The following LRRIQ1 variants were observed in gnomAD, a reference collection of about 807,000 sequenced individuals.
LRRIQ1 encodes the protein leucine-rich repeat- and IQ domain-containing protein 1.
LRRIQ1 carries 210 observed loss-of-function variants against 211.9 expected under a neutral mutation model. The observed-to-expected ratio is 0.99, with a 90% confidence interval of 0.89 to 1.11. The LOEUF (loss-of-function observed/expected upper bound fraction) is 1.11, where lower values mean the gene tolerates loss of function less well. Ranked by LOEUF, LRRIQ1 falls within the 50% of genes most tolerant of loss-of-function variation. LRRIQ1 has a pLI of 0.00. For synonymous variants in LRRIQ1, 699 were observed against 650.1 expected (o/e 1.08, Z -1.14); for missense variants, 2,136 against 1,939.5 (o/e 1.10, Z -1.90).
chr12:85,090,688 T>C (rs1422871501), intron 11 of LRRIQ1, among the ~76,000 whole-genome samples: 1 of 152,216 alleles, frequency 6.6e-6, no homozygotes, highest in African/African-American at 2.4e-5. Context: ...CATTGTATCT[T>C]AGAAGTAAAT....
intron 9 of LRRIQ1, 62 bp from the exon 10 acceptor site, chr12:85,066,686 C>A: frequency 1.5e-6 from 2 of 1,341,372 alleles, no homozygotes; most frequent in Non-Finnish European, 2.0e-6. Flanking sequence ...TTTTTGAAAG[C>A]TTTAAATAGT....
intron 11 of LRRIQ1, among the ~76,000 whole-genome samples, chr12:85,086,712 AC>A (rs1884862131): frequency 6.6e-6 from 1 of 151,760 alleles, no homozygotes; most frequent in African/African-American, 2.4e-5. Context: ...AGTTGATGAA[AC>A]TGAGATTCAG....
intron 24 of LRRIQ1, among the ~76,000 whole-genome samples, chr12:85,226,273 G>C (rs1411461984): frequency 6.6e-6 from 1 of 152,102 alleles, no homozygotes; most frequent in Non-Finnish European, 1.5e-5. Context: ...CTAAAAGTTT[G>C]CTTATTACAA....
rs1268119251 is a variant in LRRIQ1, at chr12:85,059,732, T to G, written c.2391+2548T>G. Among the ~76,000 whole-genome samples, 3 of 151,876 alleles carry G rather than the reference T, an allele frequency of 2.0e-5. No individual in the cohort carries two copies. In the East Asian group the frequency reaches 5.8e-4, roughly 29 times the overall value. ...GAATAAAGAATTCCAGTCGAAATATTTAATGTAGAGGACGGGTTGATGGGT... is the reference window on the plus strand; with the variant it reads ...GAATAAAGAATTCCAGTCGAAATATGTAATGTAGAGGACGGGTTGATGGGT... On this transcript the variant is annotated intron_variant, in intron 8 of 26. Coordinates refer to ENST00000393217, the MANE Select transcript of LRRIQ1 (RefSeq NM_001079910.2).
At chr12:85,203,532 G>C (rs563213090) in intron 24 of LRRIQ1, among the ~76,000 whole-genome samples, 1 of 152,212 alleles carries the variant, frequency 6.6e-6, no homozygotes. Flanking sequence ...GAGTGGCTTT[G>C]CCCAAAATGC....
At chr12:85,079,824 C>T (rs1884079291) in intron 11 of LRRIQ1, among the ~76,000 whole-genome samples, 1 of 151,840 alleles carries the variant, frequency 6.6e-6, no homozygotes. Context: ...ATTTTTTCCT[C>T]TTATATTTAC....
rs144291826 is a variant in LRRIQ1, at chr12:85,212,455, A to G, written c.4823-17062A>G. On this transcript the variant is annotated intron_variant, in intron 24 of 26. Transcript: ENST00000393217. ...GTCTTTTTGGCCAAAAAAGTCGCAG[A>G]TGGAAGATCCAAGTTGCAAGAATAT... 8.5e-5 allele frequency among the ~76,000 whole-genome samples: 13 copies of G among 152,262 alleles called. No individual in the cohort carries two copies. The East Asian group carries it at 2.3e-3, about 27-fold the overall frequency.
the LRRIQ1 span, among the ~76,000 whole-genome samples, chr12:85,271,364 A>G: frequency 6.6e-6 from 1 of 152,172 alleles, no homozygotes; most frequent in Non-Finnish European, 1.5e-5. Context: ...ATTCTAACTC[A>G]AGTCAATCCA....
intron 24 of LRRIQ1, among the ~76,000 whole-genome samples, chr12:85,202,741 G>T (rs1335595946): frequency 6.6e-6 from 1 of 152,094 alleles, no homozygotes; most frequent in Admixed American, 6.6e-5. Context: ...TATACAGCTT[G>T]CCACTCTGTG....
chr12:85,111,027 G>C (rs561119806), intron 15 of LRRIQ1, among the ~76,000 whole-genome samples: 1 of 151,964 alleles, frequency 6.6e-6, no homozygotes, highest in Non-Finnish European at 1.5e-5. Flanking sequence ...TATCTCATAG[G>C]GTAATATAGG....
chr12:85,225,004 A>G (rs11835574), intron 24 of LRRIQ1, among the ~76,000 whole-genome samples: 4,744 of 152,192 alleles, frequency 0.031, 234 homozygotes, highest in African/African-American at 0.11. Context: ...TACTCACTGA[A>G]AAATAGGATA....
chr12:85,265,156 C>A (rs537868510), downstream of LRRIQ1, among the ~76,000 whole-genome samples: 89 of 152,042 alleles, frequency 5.9e-4, no homozygotes, highest in Non-Finnish European at 1.1e-3. Context: ...AGACAAATAA[C>A]ATTAAACATT....
chr12:85,046,897 C>T (rs1358247615), intron 5 of LRRIQ1, among the ~76,000 whole-genome samples: 1 of 150,260 alleles, frequency 6.7e-6, no homozygotes, highest in Non-Finnish European at 1.5e-5. Flanking sequence ...CAAACTATTG[C>T]AAGGACAAAA....
In LRRIQ1 at chr12:85,119,731, G is replaced by A. The variant is rs193212611; in HGVS notation, c.3378-1966G>A. 6.2e-3 allele frequency among the ~76,000 whole-genome samples: 947 copies of A among 152,106 alleles called. 5 individuals are homozygous for A. Among genetic ancestry groups the A allele is most frequent in the Non-Finnish European group, 7.9e-3 (537 of 67,948 alleles). ...AATAGGTACGTAGTGGTATCACATTGTCTCGTTGTTATTTTAATTTTCAAT... is the reference window on the plus strand; with the variant it reads ...AATAGGTACGTAGTGGTATCACATTATCTCGTTGTTATTTTAATTTTCAAT... On this transcript the variant is annotated intron_variant, in intron 15 of 26. Coordinates refer to ENST00000393217, the MANE Select transcript of LRRIQ1 (RefSeq NM_001079910.2).
At chr12:85,141,363 T>C (rs1414902085) in intron 19 of LRRIQ1, among the ~76,000 whole-genome samples, 3 of 151,326 alleles carry the variant, frequency 2.0e-5, no homozygotes, top group African/African-American at 7.3e-5. Flanking sequence ...TAAAATCTCT[T>C]ACTCTGCTGG....
chr12:85,259,819 G>T (rs1302256983), intron 1 of LRRIQ1, among the ~76,000 whole-genome samples: 4 of 151,930 alleles, frequency 2.6e-5, no homozygotes, highest in Admixed American at 2.6e-4. Flanking sequence ...TTTACAAACT[G>T]TTTTTAAAAT....
chr12:85,058,652 C>G (rs1055570008), intron 8 of LRRIQ1, among the ~76,000 whole-genome samples: 6 of 151,960 alleles, frequency 3.9e-5, no homozygotes, highest in African/African-American at 1.2e-4. Context: ...TTCCTTCTTT[C>G]GAACGTTTGT....
intron 24 of LRRIQ1, among the ~76,000 whole-genome samples, chr12:85,206,819 A>C (rs1893574873): frequency 6.6e-6 from 1 of 152,102 alleles, no homozygotes; most frequent in Non-Finnish European, 1.5e-5. Context: ...GGAGGCCGGC[A>C]GACAGAGGGG....
intron 24 of LRRIQ1, among the ~76,000 whole-genome samples, chr12:85,216,934 G>A (rs1894116015): frequency 1.3e-5 from 2 of 151,940 alleles, no homozygotes; most frequent in African/African-American, 2.4e-5. Context: ...GCCAGCTATA[G>A]GGATAATTGC....
Sources: gnomAD v4.1 joint callset for allele counts (sites outside exome capture counted in the v4.1 genomes callset) on GRCh38, gnomAD v4.1.1 for gene constraint, MANE v1.5 for transcripts, NCBI Gene and HGNC (gene_info 2026-07-23, HGNC 2026-07-21) for gene names.